NF1: variants seen among roughly 807,000 people sequenced by gnomAD.
NF1 encodes neurofibromin.
Under a neutral mutation model 325.7 loss-of-function variants are expected in NF1, and 122 were observed. The ratio of observed to expected loss-of-function variants is 0.37; its 90% confidence interval spans 0.32 to 0.44. The LOEUF (loss-of-function observed/expected upper bound fraction) is 0.44, where lower values mean the gene tolerates loss of function less well. Ranked by LOEUF, NF1 falls within the 20% of genes least tolerant of loss-of-function variation. The pLI is 1.00. For missense variants in NF1, 2,140 were observed against 3,415.4 expected (o/e 0.63, Z 9.31); for synonymous variants, 1,091 against 1,186.0 (o/e 0.92, Z 1.65).
At chr17:31,172,861 G>C (rs1333911117) in intron 5 of NF1, among the ~76,000 whole-genome samples, 11 of 152,120 alleles carry the variant, frequency 7.2e-5, no homozygotes, top group African/African-American at 2.4e-4. Flanking sequence ...AGGATGGCTT[G>C]GTAGAGGGTT....
At chr17:31,362,427 G>A in intron 57 of NF1, 8 of 829,036 alleles carry the variant, frequency 9.6e-6, no homozygotes, top group Non-Finnish European at 1.2e-5. Flanking sequence ...AGAAGAGCTG[G>A]GTTAACTGCT....
chr17:31,284,096 T>A (rs1361531608), intron 36 of NF1, among the ~76,000 whole-genome samples: 1 of 151,990 alleles, frequency 6.6e-6, no homozygotes. Context: ...GTAAAAAGAT[T>A]TTTGTTATTG....
At chr17:31,107,173 TG>T (rs1912930706) in intron 1 of NF1, among the ~76,000 whole-genome samples, 1 of 152,182 alleles carries the variant, frequency 6.6e-6, no homozygotes, top group Non-Finnish European at 1.5e-5. Flanking sequence ...ACCTTGGGTC[TG>T]GGAAAATGTG....
chr17:31,230,831 C>T lies in NF1; in HGVS notation c.3114-11C>T, dbSNP rs2151432318. The stretch of plus-strand genomic sequence containing the variant: ...TTGTTTGCTGTTTCTCTTTTCTCCA[C>T]CATTCTATAGGAATAAGATGGTAGA... On this transcript the variant is annotated splice_polypyrimidine_tract_variant and intron_variant, in intron 23 of 57. Coordinates refer to ENST00000358273, the MANE Select transcript of NF1 (RefSeq NM_001042492.3). The T allele has an allele frequency of 6.3e-7, 1 of 1,576,740 alleles. No individual in the cohort carries two copies. Among genetic ancestry groups the T allele is most frequent in the Non-Finnish European group, 8.7e-7 (1 of 1,147,508 alleles).
chr17:31,309,774 G>T (rs11654997), intron 36 of NF1, among the ~76,000 whole-genome samples: 3,357 of 152,294 alleles, frequency 0.022, 69 homozygotes, highest in Non-Finnish European at 0.037. Context: ...ATTTTGATAG[G>T]CTCCTATCCT....
chr17:31,316,170 G>C (rs1567891134), intron 36 of NF1, among the ~76,000 whole-genome samples: 3 of 152,186 alleles, frequency 2.0e-5, no homozygotes, highest in Admixed American at 6.5e-5. Context: ...GTAAGCCACT[G>C]TGCCTAACCT....
At chr17:31,304,360 G>A (rs1567883890) in intron 36 of NF1, 5 of 1,614,092 alleles carry the variant, frequency 3.1e-6, no homozygotes, top group African/African-American at 1.3e-5. Flanking sequence ...CTCAAGGTTG[G>A]AATCTTCTTG....
intron 57 of NF1, among the ~76,000 whole-genome samples, chr17:31,369,883 C>G (rs2070599626): frequency 6.6e-6 from 1 of 152,126 alleles, no homozygotes; most frequent in South Asian, 2.1e-4. Context: ...TGCCAAAATT[C>G]TTAGAAGTGA....
At chr17:31,307,757 GAA>G in intron 36 of NF1, 1 of 516,538 alleles carries the variant, frequency 1.9e-6, no homozygotes, top group Non-Finnish European at 3.2e-6. Context: ...TAACATTAGG[GAA>G]TAGAAAATCT....
intron 5 of NF1, among the ~76,000 whole-genome samples, chr17:31,177,021 G>GT: frequency 6.6e-6 from 1 of 152,278 alleles, no homozygotes; most frequent in South Asian, 2.1e-4. Flanking sequence ...ATTTAAAGTA[G>GT]TTTTTTCTAA....
At chr17:31,318,397 T>C (rs1272908408) in intron 36 of NF1, 2 of 1,614,048 alleles carry the variant, frequency 1.2e-6, no homozygotes, top group Admixed American at 3.3e-5. Context: ...CATCACTAGG[T>C]TGGGTCCTGT....
At chr17:31,260,826 T>C (rs759159078) in intron 34 of NF1, among the ~76,000 whole-genome samples, 82 of 152,306 alleles carry the variant, frequency 5.4e-4, no homozygotes, top group Admixed American at 8.5e-4. Context: ...CAGATTAGCG[T>C]TGGCATTTGA....
intron 57 of NF1, among the ~76,000 whole-genome samples, chr17:31,366,147 C>A (rs562656687): frequency 1.5e-4 from 23 of 152,006 alleles, no homozygotes; most frequent in Non-Finnish European, 2.9e-4. Flanking sequence ...ATTGGCCATG[C>A]TGGTCTCGAA....
intron 36 of NF1, chr17:31,305,393 G>A (rs1382925288): frequency 6.2e-7 from 1 of 1,614,180 alleles, no homozygotes; most frequent in East Asian, 2.2e-5. Flanking sequence ...ACTTTGGCAG[G>A]TGATATTGAT....
intron 36 of NF1, among the ~76,000 whole-genome samples, chr17:31,266,648 G>A (rs984235484): frequency 1.3e-4 from 20 of 152,034 alleles, no homozygotes; most frequent in Non-Finnish European, 1.9e-4. Context: ...AGCAAACATT[G>A]GTAAGGGAGG....
chr17:31,293,376 T>C (rs2068391739), intron 36 of NF1, among the ~76,000 whole-genome samples: 1 of 151,258 alleles, frequency 6.6e-6, no homozygotes, highest in African/African-American at 2.4e-5. Context: ...AGAGAGGTAA[T>C]GCATTTTAAA....
chr17:31,333,323 G>A (rs1023641920), intron 39 of NF1, among the ~76,000 whole-genome samples: 1 of 152,124 alleles, frequency 6.6e-6, no homozygotes, highest in South Asian at 2.1e-4. Flanking sequence ...GTTTATTATA[G>A]CATTATTTTT....
rs547415271 is a variant in NF1 at position 31,287,207 on chromosome 17, CTTG to C, written c.4835+21871_4835+21873del. On this transcript the variant is annotated intron_variant, in intron 36 of 57. Coordinates refer to ENST00000358273, the MANE Select transcript of NF1 (RefSeq NM_001042492.3). ...TGTTTCAGTCATTTTCACTTCTAATCTTGTTAACTACCCAAGAATCTCTTGTAC... is the reference window on the plus strand; with the variant it reads ...TGTTTCAGTCATTTTCACTTCTAATCTTAACTACCCAAGAATCTCTTGTAC... 4.3e-3 allele frequency among the ~76,000 whole-genome samples: 660 copies of C among 152,294 alleles called. 4 individuals carry two copies. The highest frequency in any genetic ancestry group is 5.2e-3 in the Non-Finnish European group (353 of 68,032).
rs1450606511 is a variant in NF1, at chr17:31,232,818, A to G, written c.3433A>G (p.Thr1145Ala). The G allele has an allele frequency of 6.2e-7, 1 of 1,614,166 alleles. No individual in the cohort carries two copies. The change falls in exon 26 of 58, where the codon ACG becomes GCG. Residue 1145 changes from threonine to alanine, a missense_variant. Coordinates refer to ENST00000358273, the MANE Select transcript of NF1 (RefSeq NM_001042492.3). ...SRRLASLRHC[T>A]VLAMSNLLNA... ...GAGGCTGGCATCACTGAGGCACTGT[A>G]CGGTCCTTGCAATGTCAAACTTACT... is the stretch of plus-strand genomic sequence containing the variant.
Sources: gnomAD v4.1 joint callset for allele counts (sites outside exome capture counted in the v4.1 genomes callset) on GRCh38, gnomAD v4.1.1 for gene constraint, MANE v1.5 for transcripts, NCBI Gene and HGNC (gene_info 2026-07-23, HGNC 2026-07-21) for gene names.